The following RORB variants were observed in gnomAD, a reference collection of about 807,000 sequenced individuals.
The protein encoded by RORB is RAR related orphan receptor B.
Under a neutral mutation model 59.1 loss-of-function variants are expected in RORB, and 6 were observed. That is an observed-to-expected ratio of 0.10 (90% CI 0.06 to 0.20). RORB has a LOEUF of 0.20. Ranked by LOEUF, RORB falls within the 10% of genes least tolerant of loss-of-function variation. RORB has a pLI of 1.00. For synonymous variants in RORB, 215 were observed against 204.5 expected, an observed-to-expected ratio of 1.05 and a Z score of -0.44; for missense variants, 320 against 560.5, an observed-to-expected ratio of 0.57 and a Z score of 4.33.
At chr9:74,526,098 C>G (rs1254323697) in intron 1 of RORB, among the ~76,000 whole-genome samples, 1 of 151,830 alleles carries the variant, frequency 6.6e-6, no homozygotes, top group African/African-American at 2.4e-5. Context: ...TGGAATCACT[C>G]AAGTTGTAGT....
chr9:74,595,378 GC>G (rs1267922549), intron 1 of RORB, among the ~76,000 whole-genome samples: 5 of 152,192 alleles, frequency 3.3e-5, no homozygotes, highest in Non-Finnish European at 7.3e-5. Context: ...TCCTGACCAT[GC>G]CCTTTCTTTG....
chr9:74,598,938 A>G (rs1229425336), intron 1 of RORB, among the ~76,000 whole-genome samples: 1 of 152,150 alleles, frequency 6.6e-6, no homozygotes, highest in Non-Finnish European at 1.5e-5. Flanking sequence ...CAGAAGAGGA[A>G]CCTTACTTTA....
intron 1 of RORB, among the ~76,000 whole-genome samples, chr9:74,509,291 T>G (rs1825904690): frequency 6.6e-6 from 1 of 152,090 alleles, no homozygotes; most frequent in South Asian, 2.1e-4. Flanking sequence ...AAATTCAAAG[T>G]ATAAGTAGTA....
chr9:74,691,335 C>T lies in RORB; in HGVS notation c.*5717C>T, dbSNP rs1824737637. 6.6e-6 allele frequency: 1 copy of T among 152,186 alleles called. No individual in the cohort carries two copies. The highest frequency in any genetic ancestry group is 1.5e-5 in the Non-Finnish European group (1 of 68,050). 9.4% of individuals were successfully genotyped at this position (152,186 alleles called of 1,614,324 possible). ...GATCCTTGTATTCAACTATACTCTTCTGGCAGTAGTTGGTGGCAAGCATTC... is the reference window on the plus strand; with the variant it reads ...GATCCTTGTATTCAACTATACTCTTTTGGCAGTAGTTGGTGGCAAGCATTC... On this transcript the variant is annotated 3_prime_UTR_variant, in exon 10 of 10. Coordinates refer to ENST00000376896, the MANE Select transcript of RORB (RefSeq NM_006914.4).
chr9:74,627,690 A>G (rs889886489), intron 1 of RORB, among the ~76,000 whole-genome samples: 8 of 152,108 alleles, frequency 5.3e-5, no homozygotes, highest in Non-Finnish European at 1.0e-4. Context: ...TGCAAAGAGA[A>G]CCTTTGACTT....
Position 74,642,846 on chromosome 9 carries a change from T to C in RORB, c.637+31T>C, listed in dbSNP as rs754483481. ...TGGAAGTCTCCTCCCAGTGGCTTTT[T>C]TTGAGATTTTGCTTTGAATTTACCT... On this transcript the variant is annotated intron_variant, in intron 4 of 9. Transcript: ENST00000376896. 1.3e-5 allele frequency: 20 copies of C among 1,521,468 alleles called. No homozygotes were observed. In the East Asian group the frequency reaches 1.8e-4, roughly 14 times the overall value. 94.2% of individuals were successfully genotyped at this position (1,521,468 alleles called of 1,614,324 possible). A position where few individuals can be genotyped will look rare whatever the true frequency, so the allele number is the denominator to read the frequency against.
At chr9:74,553,557 A>G (rs1043404872) in intron 1 of RORB, among the ~76,000 whole-genome samples, 1 of 147,990 alleles carries the variant, frequency 6.8e-6, no homozygotes, top group African/African-American at 2.6e-5. Context: ...GGTGAAATTT[A>G]TGTCAAAAAT....
At chr9:74,648,680 C>A (rs544608744) in intron 4 of RORB, among the ~76,000 whole-genome samples, 14 of 152,198 alleles carry the variant, frequency 9.2e-5, no homozygotes, top group African/African-American at 2.9e-4. Context: ...AAATCAGAAC[C>A]GTGCACTAGC....
chr9:74,674,505 C>A lies in RORB; in HGVS notation c.1224+2604C>A, dbSNP rs538767012. ...TCAACTCTGAATAGGTGTTAACAGA[C>A]ATCAGGTTAGAGGTACAGGGCTCAT... On this transcript the variant is annotated intron_variant, in intron 9 of 9. Coordinates refer to ENST00000376896, the MANE Select transcript of RORB (RefSeq NM_006914.4). 2.0e-5 allele frequency among the ~76,000 whole-genome samples: 3 copies of A among 152,322 alleles called. No individual in the cohort carries two copies. In the South Asian group the frequency reaches 6.2e-4, roughly 32 times the overall value.
At chr9:74,547,168 T>C (rs1826511333) in intron 1 of RORB, among the ~76,000 whole-genome samples, 1 of 152,120 alleles carries the variant, frequency 6.6e-6, no homozygotes, top group Non-Finnish European at 1.5e-5. Flanking sequence ...TGTAGGTTGC[T>C]GGAGAGAATT....
intron 1 of RORB, among the ~76,000 whole-genome samples, chr9:74,505,108 C>T (rs979669837): frequency 1.3e-5 from 2 of 152,040 alleles, no homozygotes; most frequent in African/African-American, 4.8e-5. Flanking sequence ...GCATTTATAA[C>T]CAGAACTTGG....
At chr9:74,610,005 C>A (rs999304400) in intron 1 of RORB, among the ~76,000 whole-genome samples, 42 of 152,220 alleles carry the variant, frequency 2.8e-4, no homozygotes, top group African/African-American at 9.9e-4. Flanking sequence ...TGCTCTAGAA[C>A]CTGCCTTTTG....
At position 74,591,958 on chromosome 9, in the gene RORB, C is replaced by CAG. The variant is rs374600755; in HGVS notation, c.8-38307_8-38306dup. On this transcript the variant is annotated intron_variant, in intron 1 of 9. Transcript: ENST00000376896. ...TGTGTGAGAGTGAGAGAGAGAGAGA[C>CAG]AGAGAGAGAGAGAGAGAGGATGATT... Among the ~76,000 whole-genome samples, 304 of 148,844 alleles carry CAG rather than the reference C, an allele frequency of 2.0e-3. 2 individuals carry two copies. The highest frequency in any genetic ancestry group is 6.9e-3 in the African/African-American group (283 of 40,738).
At chr9:74,625,929 T>G (rs7856517) in intron 1 of RORB, among the ~76,000 whole-genome samples, 145,923 of 152,258 alleles carry the variant, frequency 0.96, 70,250 homozygotes, top group East Asian at 1. Context: ...ATTCTTAATG[T>G]ATGCTTTTAA....
intron 1 of RORB, among the ~76,000 whole-genome samples, chr9:74,599,183 T>TC (rs1823017137): frequency 6.6e-6 from 1 of 152,120 alleles, no homozygotes; most frequent in South Asian, 2.1e-4. Flanking sequence ...GACTAATATT[T>TC]CCCCATTCTC....
At chr9:74,505,499 T>C (rs1240008590) in intron 1 of RORB, among the ~76,000 whole-genome samples, 2 of 152,032 alleles carry the variant, frequency 1.3e-5, no homozygotes, top group African/African-American at 4.8e-5. Flanking sequence ...CCACCCAAAG[T>C]AAGGTACAGG....
chr9:74,517,464 G>A (rs2118058846), intron 1 of RORB, among the ~76,000 whole-genome samples: 1 of 152,102 alleles, frequency 6.6e-6, no homozygotes, highest in East Asian at 1.9e-4. Context: ...CTTGTTAGCA[G>A]TCAAAAACCT....
intron 1 of RORB, among the ~76,000 whole-genome samples, chr9:74,500,259 G>T (rs925720701): frequency 7.2e-5 from 11 of 152,258 alleles, no homozygotes; most frequent in African/African-American, 2.6e-4. Context: ...ATTCCTGGTT[G>T]CCCTTTCCTG....
At chr9:74,575,736 A>C (rs978063254) in intron 1 of RORB, among the ~76,000 whole-genome samples, 1 of 152,038 alleles carries the variant, frequency 6.6e-6, no homozygotes, top group African/African-American at 2.4e-5. Context: ...GCCTCCTAAA[A>C]TCTTGCATAG....
Sources: gnomAD v4.1 joint callset for allele counts (sites outside exome capture counted in the v4.1 genomes callset) on GRCh38, gnomAD v4.1.1 for gene constraint, MANE v1.5 for transcripts, NCBI Gene and HGNC (gene_info 2026-07-23, HGNC 2026-07-21) for gene names.